MYO19: variants seen among roughly 807,000 people sequenced by gnomAD.
The protein encoded by MYO19 is myosin XIX, also known as unconventional myosin-XIX.
A neutral mutation model predicts 129.2 loss-of-function variants in MYO19; 132 were observed. The ratio of observed to expected loss-of-function variants is 1.02; its 90% CI spans 0.89 to 1.18. The LOEUF is 1.18. MYO19 is among the 50% of genes most tolerant of loss of function. MYO19 has a pLI of 0.00. For missense variants in MYO19, 1,210 were observed against 1,216.7 expected (o/e 0.99, Z 0.08); for synonymous variants, 531 against 477.2 (o/e 1.11, Z -1.47).
At chr17:36,506,941 C>T in intron 17 of MYO19, 22 bp downstream of exon 17, 1 of 1,555,662 alleles carries the variant, frequency 6.4e-7, no homozygotes, top group South Asian at 1.2e-5. Flanking sequence ...GCAGGCCCCA[C>T]AGGGCATGGC....
Position 36,509,208 on chromosome 17 carries a change from C to T in MYO19, c.1158-73G>A, listed in dbSNP as rs180814749. 7.6e-3 allele frequency: 10,363 copies of T among 1,367,616 alleles called. 67 individuals are homozygous for T. The highest frequency in any genetic ancestry group is 9.5e-3 in the Non-Finnish European group (9,232 of 968,290). 84.7% of individuals were successfully genotyped at this position (1,367,616 alleles called of 1,614,324 possible). On this transcript the variant is annotated intron_variant, in intron 13 of 25. Transcript: ENST00000614623. ...AAAGGGGTGGTAAAATTGCTCCCCCCATCAGGGTGCTACACCCTGGGGGGC... is the reference window on the plus strand; with the variant it reads ...AAAGGGGTGGTAAAATTGCTCCCCCTATCAGGGTGCTACACCCTGGGGGGC...
chr17:36,535,271 G>A (rs1193307822), upstream of MYO19: 1 of 151,172 alleles, frequency 6.6e-6, no homozygotes, highest in Non-Finnish European at 1.5e-5. Context: ...CTCGCCGTGA[G>A]GTCTGAGGGG....
intron 6 of MYO19, among the ~76,000 whole-genome samples, chr17:36,519,416 T>C (rs2073003093): frequency 6.6e-6 from 1 of 152,188 alleles, no homozygotes; most frequent in Non-Finnish European, 1.5e-5. Flanking sequence ...TTTTTTCCCA[T>C]CCATTTAGTT....
intron 18 of MYO19, 134 bp from the exon 19 acceptor site, chr17:36,505,538 A>C (rs888687041): frequency 1.6e-6 from 1 of 641,752 alleles, no homozygotes. Context: ...TCTCCTGTGC[A>C]GGGATGACTG....
In MYO19 at chr17:36,528,140, C is replaced by G. The variant is rs933297977; in HGVS notation, c.75G>C (p.Gln25His). Residue 25 changes from glutamine to histidine, a missense_variant, in exon 4 of 26, where the codon CAG (glutamine) becomes CAC (histidine). Gln to His is a conservative substitution (Grantham distance 24, BLOSUM62 0). Transcript: ENST00000614623. ...QAREYLREDL[Q>H]EFLGGEVLLY... ...GCAGGACCTCCCCACCCAGGAACTC[C>G]TGCAGGTCTTCTCTGAGGTACTCCC... The G allele has an allele frequency of 1.2e-6, 2 of 1,612,550 alleles. No individual in the cohort carries two copies. The highest frequency in any genetic ancestry group is 1.7e-6 in the Non-Finnish European group (2 of 1,179,374).
chr17:36,535,877 C>G (rs547386342), upstream of MYO19, among the ~76,000 whole-genome samples: 1 of 151,596 alleles, frequency 6.6e-6, no homozygotes, highest in Non-Finnish European at 1.5e-5. Flanking sequence ...CCTCCCAAAG[C>G]GCTAGGATTG....
In MYO19 at chr17:36,532,655, G is replaced by A. The variant is rs1229985374; in HGVS notation, c.-117C>T. The A allele has an allele frequency of 3.9e-6, 5 of 1,267,620 alleles. No homozygotes were observed. In the Admixed American group the frequency reaches 6.0e-5, roughly 15 times the overall value. The allele number at this position is 1,267,620 out of a possible 1,614,324, so 78.5% of individuals were successfully genotyped here. A position where few individuals can be genotyped will look rare whatever the true frequency, so the allele number is the denominator to read the frequency against. ...TTCCAACAAAGGGCTCAGTTCTGGA[G>A]GAATCTCAGACAAGTCACTCCAGCG... On this transcript the variant is annotated 5_prime_UTR_variant, in exon 3 of 26. Coordinates refer to ENST00000614623, the MANE Select transcript of MYO19 (RefSeq NM_001163735.2).
chr17:36,544,325 G>C (rs1485766063), upstream of MYO19, among the ~76,000 whole-genome samples: 1 of 152,202 alleles, frequency 6.6e-6, no homozygotes, highest in East Asian at 1.9e-4. Context: ...CAGCTACGCA[G>C]CGGGCCCCTG....
At chr17:36,517,042 A>C (rs2072800927) in intron 6 of MYO19, among the ~76,000 whole-genome samples, 4 of 152,178 alleles carry the variant, frequency 2.6e-5, no homozygotes, top group Middle Eastern at 3.2e-3. Context: ...AATAGGGGCT[A>C]TTCAGGTTCT....
In MYO19 at chr17:36,501,001, CT is replaced by C. The variant is rs750364411; in HGVS notation, c.2248-43del. The stretch of plus-strand genomic sequence containing the variant: ...CCATTGAGGGCAGCCTCTTCTCCCC[CT>C]GCCCCCTCCTGCTGAGGAGAGCACA... On this transcript the variant is annotated intron_variant, in intron 22 of 25. Transcript: ENST00000614623. The C allele has an allele frequency of 6.2e-6, 10 of 1,604,322 alleles. No individual in the cohort carries two copies. The South Asian group carries it at 9.9e-5, about 16-fold the overall frequency.
At chr17:36,496,822 T>C (rs2142607834) in intron 25 of MYO19, among the ~76,000 whole-genome samples, 3 of 152,330 alleles carry the variant, frequency 2.0e-5, no homozygotes, top group Middle Eastern at 3.4e-3. Context: ...GCCCATTTTA[T>C]AGACAGGCTC....
At chr17:36,523,859 A>G (rs1011772094) in intron 6 of MYO19, among the ~76,000 whole-genome samples, 4 of 152,244 alleles carry the variant, frequency 2.6e-5, no homozygotes, top group African/African-American at 9.6e-5. Context: ...TAAACTGATA[A>G]AAGATGTGCA....
chr17:36,503,276 G>T, intron 20 of MYO19, 76 bp from the exon 21 acceptor site: 1 of 1,188,522 alleles, frequency 8.4e-7, no homozygotes, highest in Non-Finnish European at 1.3e-6. Context: ...CTCATCAGAA[G>T]TTATTCTATT....
Position 36,515,881 on chromosome 17 carries a change from G to C in MYO19, c.524C>G (p.Ser175Cys). ...ACCAAAAGCTTCCATGACAGGGTTG[G>C]AGTTCAGGATCCTCTGTTCTATCCT... ...AERIEQRILN[S>C]NPVMEAFGNA... Residue 175 changes from serine (S) to cysteine (C), a missense_variant, in exon 7 of 26, where the codon TCC becomes TGC. Transcript: ENST00000614623. 6.2e-7 allele frequency: 1 copy of C among 1,613,130 alleles called. No homozygotes were observed. Among genetic ancestry groups the C allele is most frequent in the Middle Eastern group, 1.7e-4 (1 of 6,052 alleles).
Position 36,503,956 on chromosome 17 carries a change from G to C in MYO19, c.1970C>G (p.Pro657Arg), listed in dbSNP as rs767803196. 11 of 1,591,040 alleles carry C rather than the reference G, an allele frequency of 6.9e-6. No individual in the cohort carries two copies. In the South Asian group the frequency reaches 1.3e-4, roughly 18 times the overall value. ...CGTGATCGAGCCCACTCACCGGATGGGGAAGCCAGCAGCACTGATATGGAT... is the reference window on the plus strand; with the variant it reads ...CGTGATCGAGCCCACTCACCGGATGCGGAAGCCAGCAGCACTGATATGGAT... Reference protein sequence around the residue: ...ETIHISAAGFPIRVSHRNFVE... With the variant: ...ETIHISAAGFRIRVSHRNFVE... Residue 657 changes from proline (P) to arginine (R), a missense_variant, in exon 20 of 26, where the codon CCC (proline) becomes CGC (arginine). By Grantham distance (103) the Pro-to-Arg change is moderately radical (BLOSUM62 -2). Coordinates refer to ENST00000614623, the MANE Select transcript of MYO19 (RefSeq NM_001163735.2).
chr17:36,525,765 C>T (rs574186101), intron 5 of MYO19, among the ~76,000 whole-genome samples: 7 of 152,308 alleles, frequency 4.6e-5, no homozygotes, highest in Admixed American at 1.3e-4. Context: ...CCTTGCAAGG[C>T]CACTCAGCAA....
chr17:36,541,383 C>G (rs2074197285), intron 2 of MYO19, among the ~76,000 whole-genome samples: 1 of 152,130 alleles, frequency 6.6e-6, no homozygotes, highest in Non-Finnish European at 1.5e-5. Flanking sequence ...ATACAAGAAC[C>G]TTATGTTCCT....
chr17:36,511,369 G>A lies in MYO19; in HGVS notation c.981C>T (p.Ala327=). ...ATCCTACACCCTGACCCTCACACTT[G>A]GCATCATCCATCGGCTGGCAGGGCT... ...EAQPCQPMDD[A]KYSVRTAASL... The change falls in exon 12 of 26, where the codon GCC becomes GCT. Residue 327 remains alanine, a synonymous_variant. Transcript: ENST00000614623. 2 of 1,574,778 alleles carry A rather than the reference G, an allele frequency of 1.3e-6. No individual in the cohort carries two copies. The highest frequency in any genetic ancestry group is 1.7e-6 in the Non-Finnish European group (2 of 1,160,092).
intron 13 of MYO19, 86 bp downstream of exon 13, chr17:36,510,660 A>G (rs760450305): frequency 3.7e-5 from 53 of 1,439,444 alleles, no homozygotes; most frequent in Non-Finnish European, 4.8e-5. Context: ...GCCTGTGCCT[A>G]TTGCCTGATG....
Sources: allele counts gnomAD v4.1 joint callset (sites outside exome capture counted in the v4.1 genomes callset), GRCh38; gene constraint gnomAD v4.1.1; transcripts MANE v1.5; gene names NCBI Gene and HGNC (gene_info 2026-07-23, HGNC 2026-07-21).